Variants in PCDH15 observed in about 807,000 individuals in gnomAD.
PCDH15 encodes protocadherin-15.
In PCDH15, 129 loss-of-function variants were observed where a neutral mutation model predicts 178.5. The ratio of observed to expected loss-of-function variants is 0.72; its 90% CI spans 0.63 to 0.84. The LOEUF (loss-of-function observed/expected upper bound fraction) is 0.84. Among genes scored for constraint, PCDH15 ranks in the 40% least tolerant of loss-of-function variants. The pLI, the probability that PCDH15 is intolerant of heterozygous loss-of-function variation, is 0.00. For synonymous variants in PCDH15, 800 were observed against 732.0 expected, an observed-to-expected ratio of 1.09 and a Z score of -1.50; for missense variants, 2,230 against 2,099.9, an observed-to-expected ratio of 1.06 and a Z score of -1.21.
chr10:54,787,834 A>G (rs929351126), intron 1 of PCDH15, among the ~76,000 whole-genome samples: 3 of 151,988 alleles, frequency 2.0e-5, no homozygotes, highest in Non-Finnish European at 4.4e-5. Flanking sequence ...CAAGCCAGTT[A>G]TATATCACTA....
intron 1 of PCDH15, among the ~76,000 whole-genome samples, chr10:55,199,004 G>A (rs1256152903): frequency 6.6e-6 from 1 of 152,024 alleles, no homozygotes; most frequent in African/African-American, 2.4e-5. Flanking sequence ...TTATAGCAGT[G>A]TGGGAATGAT....
intron 2 of PCDH15, among the ~76,000 whole-genome samples, chr10:54,987,172 G>T (rs1403842382): frequency 6.6e-6 from 1 of 152,066 alleles, no homozygotes; most frequent in Non-Finnish European, 1.5e-5. Flanking sequence ...AGCTTCATCC[G>T]TGTCCCTGCA....
intron 3 of PCDH15, among the ~76,000 whole-genome samples, chr10:54,808,586 A>T (rs1396736517): frequency 6.6e-6 from 1 of 152,210 alleles, no homozygotes; most frequent in Non-Finnish European, 1.5e-5. Flanking sequence ...GATCCTAAAG[A>T]ATAATGGACA....
chr10:54,179,730 A>G (rs1232966835), intron 13 of PCDH15, among the ~76,000 whole-genome samples: 3 of 152,182 alleles, frequency 2.0e-5, no homozygotes, highest in Non-Finnish European at 4.4e-5. Flanking sequence ...GGGTGGCCAA[A>G]TCATTTAAAT....
chr10:54,989,801 G>T (rs1564694176), intron 2 of PCDH15, among the ~76,000 whole-genome samples: 1 of 152,144 alleles, frequency 6.6e-6, no homozygotes, highest in Non-Finnish European at 1.5e-5. Flanking sequence ...AGGGGCCAGG[G>T]GAGGAATGAT....
chr10:54,782,479 A>C (rs1950465672), intron 1 of PCDH15, among the ~76,000 whole-genome samples: 1 of 152,128 alleles, frequency 6.6e-6, no homozygotes, highest in Non-Finnish European at 1.5e-5. Flanking sequence ...GTAATGTAAA[A>C]CGTAAAAGTA....
chr10:54,709,629 A>ATATAT (rs1414000212), intron 1 of PCDH15, among the ~76,000 whole-genome samples: 4 of 113,732 alleles, frequency 3.5e-5, no homozygotes, highest in Non-Finnish European at 6.0e-5. Flanking sequence ...TATATATATA[A>ATATAT]AATCACTTTA....
intron 5 of PCDH15, among the ~76,000 whole-genome samples, chr10:54,357,337 A>G (rs370127183): frequency 1.3e-5 from 2 of 152,138 alleles, no homozygotes; most frequent in Admixed American, 6.6e-5. Context: ...AAATCAATGT[A>G]CAAAAATCAC....
At chr10:55,288,271 C>T (rs1315711249) in intron 1 of PCDH15, among the ~76,000 whole-genome samples, 2 of 150,484 alleles carry the variant, frequency 1.3e-5, no homozygotes, top group African/African-American at 4.9e-5. Context: ...ATCGAATAGA[C>T]ATGTTCATAT....
intron 2 of PCDH15, among the ~76,000 whole-genome samples, chr10:55,616,544 C>CT (rs1367852691): frequency 6.6e-6 from 1 of 150,756 alleles, no homozygotes; most frequent in Non-Finnish European, 1.5e-5. Context: ...GAGTAACTCT[C>CT]TGAGTGATAC....
chr10:54,104,221 A>C (rs1366100998), intron 15 of PCDH15, among the ~76,000 whole-genome samples: 1 of 152,160 alleles, frequency 6.6e-6, no homozygotes, highest in Non-Finnish European at 1.5e-5. Flanking sequence ...CACGACTAGG[A>C]ATGGAGAAGC....
At chr10:55,483,884 C>G (rs1024662553) in intron 2 of PCDH15, among the ~76,000 whole-genome samples, 1 of 149,936 alleles carries the variant, frequency 6.7e-6, no homozygotes, top group East Asian at 2.0e-4. Context: ...TTCACAATAG[C>G]AAAGACATGA....
intron 1 of PCDH15, among the ~76,000 whole-genome samples, chr10:55,229,671 T>C (rs1173797254): frequency 6.6e-6 from 1 of 152,096 alleles, no homozygotes; most frequent in Non-Finnish European, 1.5e-5. Flanking sequence ...TCTTTGGCTT[T>C]AGTTTTACTT....
chr10:54,234,803 T>C (rs764698790), intron 9 of PCDH15, among the ~76,000 whole-genome samples: 2 of 152,220 alleles, frequency 1.3e-5, no homozygotes, highest in Non-Finnish European at 2.9e-5. Flanking sequence ...GACAATCCAC[T>C]ATCCTACGGT....
intron 2 of PCDH15, among the ~76,000 whole-genome samples, chr10:54,536,803 C>T (rs1487596964): frequency 6.6e-6 from 1 of 152,064 alleles, no homozygotes; most frequent in East Asian, 1.9e-4. Flanking sequence ...TAACTGCATC[C>T]GTGTGGCTGC....
chr10:55,519,093 C>CA lies in PCDH15; in HGVS notation c.-156+108531dup, dbSNP rs33942260. Among the ~76,000 whole-genome samples the CA allele has an allele frequency of 3.8e-3, 250 of 66,054 alleles. 2 individuals are homozygous for CA. The highest frequency in any genetic ancestry group is 4.6e-3 in the Non-Finnish European group (174 of 37,784). 43.3% of individuals were successfully genotyped at this position (66,054 alleles called of 152,430 possible). ...TGGGCAACAGAGTGAGATTTCGTCT[C>CA]AAAAAAAAAAAAAAAAAAAAAAAAC... On this transcript the variant is annotated intron_variant, in intron 2 of 5. Transcript: ENST00000613346.
intron 7 of PCDH15, among the ~76,000 whole-genome samples, chr10:54,320,946 T>C (rs1005315011): frequency 1.4e-4 from 22 of 151,976 alleles, no homozygotes; most frequent in African/African-American, 4.8e-4. Flanking sequence ...ATCTTCCATA[T>C]TTCTAAAGTT....
intron 14 of PCDH15, among the ~76,000 whole-genome samples, chr10:54,147,652 C>G (rs1044392039): frequency 6.6e-6 from 1 of 151,496 alleles, no homozygotes; most frequent in Non-Finnish European, 1.5e-5. Context: ...ATATATAATA[C>G]CAACTTGTGG....
chr10:54,183,520 T>C lies in PCDH15; in HGVS notation c.1514A>G (p.Asn505Ser). Residue 505 changes from asparagine (N) to serine (S), a missense_variant, in exon 13 of 38, where the codon AAC becomes AGC. Transcript: ENST00000644397. ...VNIQVMDANDNTPTFPEISYD... is the reference protein window; with the variant it reads ...VNIQVMDANDSTPTFPEISYD... Reference sequence around the variant, plus strand: ...GGATATTTCAGGGAAGGTTGGCGTGTTATCATTTGCATCCATCACTTGAAT... The same window carrying C: ...GGATATTTCAGGGAAGGTTGGCGTGCTATCATTTGCATCCATCACTTGAAT... 6.2e-7 allele frequency: 1 copy of C among 1,613,890 alleles called. No individual in the cohort carries two copies. The highest frequency in any genetic ancestry group is 1.7e-5 in the Admixed American group (1 of 60,018).
Sources: gnomAD v4.1 joint callset for allele counts (sites outside exome capture counted in the v4.1 genomes callset) on GRCh38, gnomAD v4.1.1 for gene constraint, MANE v1.5 for transcripts, NCBI Gene and HGNC (gene_info 2026-07-23, HGNC 2026-07-21) for gene names.